The following LRP6 variants were observed in gnomAD, a reference collection of about 807,000 sequenced individuals.
The protein encoded by LRP6 is LDL receptor related protein 6.
In LRP6, 43 loss-of-function variants were observed where a neutral mutation model predicts 184.1. The ratio of observed to expected loss-of-function variants is 0.23; its 90% CI spans 0.18 to 0.30. The LOEUF (loss-of-function observed/expected upper bound fraction) is 0.30. Among genes scored for constraint, LRP6 ranks in the 10% least tolerant of loss-of-function variants. The pLI, the probability that LRP6 is intolerant of heterozygous loss-of-function variation, is 1.00. For synonymous variants in LRP6, 719 were observed against 684.9 expected (o/e 1.05, Z -0.78); for missense variants, 1,571 against 2,005.3 (o/e 0.78, Z 4.14).
At chr12:12,191,870 AT>A (rs1486942535) in intron 3 of LRP6, among the ~76,000 whole-genome samples, 3 of 152,116 alleles carry the variant, frequency 2.0e-5, no homozygotes, top group South Asian at 2.1e-4. Context: ...ATAGAAAAAA[AT>A]ATTTTCAAAA....
chr12:12,222,566 C>CAA (rs1219035988), intron 2 of LRP6, among the ~76,000 whole-genome samples: 4 of 134,958 alleles, frequency 3.0e-5, no homozygotes, highest in African/African-American at 1.1e-4. Flanking sequence ...GACTCCGTCT[C>CAA]AAAAAAAAAA....
At chr12:12,207,522 A>G (rs1281244221) in intron 2 of LRP6, among the ~76,000 whole-genome samples, 28 of 152,080 alleles carry the variant, frequency 1.8e-4, no homozygotes, top group Non-Finnish European at 1.0e-4. Flanking sequence ...CGTCAAAAAA[A>G]TAATAATAAT....
intron 13 of LRP6, among the ~76,000 whole-genome samples, chr12:12,150,396 C>T (rs895207713): frequency 1.5e-4 from 23 of 151,960 alleles, no homozygotes; most frequent in Admixed American, 1.4e-3. Context: ...GTAATGTAAC[C>T]GTTATTTATT....
chr12:12,136,910 T>C (rs548569746), intron 16 of LRP6, among the ~76,000 whole-genome samples: 1 of 152,320 alleles, frequency 6.6e-6, no homozygotes, highest in South Asian at 2.1e-4. Flanking sequence ...CCCTTGAAAT[T>C]CTGAAAATCT....
chr12:12,256,129 C>T (rs889504144), intron 1 of LRP6, among the ~76,000 whole-genome samples: 4 of 152,108 alleles, frequency 2.6e-5, no homozygotes, highest in East Asian at 1.9e-4. Context: ...ATTTCTAATA[C>T]CTCTTCTATT....
intron 15 of LRP6, among the ~76,000 whole-genome samples, chr12:12,143,181 A>C (rs1480055836): frequency 6.6e-6 from 1 of 152,192 alleles, no homozygotes; most frequent in Non-Finnish European, 1.5e-5. Context: ...GTTTAAAAGC[A>C]CCAAATAAGA....
intron 1 of LRP6, among the ~76,000 whole-genome samples, chr12:12,253,231 T>C (rs1285904841): frequency 6.6e-6 from 1 of 152,016 alleles, no homozygotes; most frequent in East Asian, 1.9e-4. Context: ...GCCACTGAAC[T>C]CCAGCCTGGG....
At chr12:12,125,698 T>C (rs74061112) in intron 20 of LRP6, among the ~76,000 whole-genome samples, 43 of 152,318 alleles carry the variant, frequency 2.8e-4, no homozygotes, top group African/African-American at 9.9e-4. Context: ...GAAGCAGAGC[T>C]ATTTAAAATA....
chr12:12,136,310 C>T (rs1038015454), intron 16 of LRP6, among the ~76,000 whole-genome samples: 8 of 152,194 alleles, frequency 5.3e-5, no homozygotes, highest in African/African-American at 1.4e-4. Context: ...ATCTGAAAGA[C>T]AACTTCAGTC....
At chr12:12,141,615 T>C (rs1949935236) in intron 15 of LRP6, among the ~76,000 whole-genome samples, 1 of 151,996 alleles carries the variant, frequency 6.6e-6, no homozygotes, top group African/African-American at 2.4e-5. Flanking sequence ...CCCAGGACAA[T>C]GGAGAAATGA....
chr12:12,145,058 T>G (rs957155984), intron 15 of LRP6, among the ~76,000 whole-genome samples: 5 of 148,554 alleles, frequency 3.4e-5, no homozygotes, highest in African/African-American at 1.2e-4. Context: ...AACTTATAAT[T>G]AAAAAAAAAA....
At chr12:12,134,181 T>C (rs1267800083) in intron 17 of LRP6, among the ~76,000 whole-genome samples, 1 of 152,224 alleles carries the variant, frequency 6.6e-6, no homozygotes, top group Non-Finnish European at 1.5e-5. Flanking sequence ...ATATGTTGAA[T>C]ACATATTCTC....
At chr12:12,255,295 T>G (rs1258267616) in intron 1 of LRP6, among the ~76,000 whole-genome samples, 2 of 150,662 alleles carry the variant, frequency 1.3e-5, no homozygotes, top group Non-Finnish European at 2.9e-5. Context: ...GACCATTAGC[T>G]GACTGCAGAA....
chr12:12,249,677 AAGG>A (rs1253533056), intron 1 of LRP6, among the ~76,000 whole-genome samples: 1 of 15,672 alleles, frequency 6.4e-5, no homozygotes, highest in African/African-American at 1.1e-4. Context: ...TAACAGAAGG[AAGG>A]AAGGAAGGAA....
intron 1 of LRP6, among the ~76,000 whole-genome samples, chr12:12,256,893 C>G (rs190357677): frequency 7.9e-5 from 12 of 152,278 alleles, no homozygotes; most frequent in Non-Finnish European, 1.2e-4. Flanking sequence ...AACCCACACT[C>G]ATTTGAAAGT....
intron 3 of LRP6, among the ~76,000 whole-genome samples, chr12:12,194,475 C>A (rs1318351459): frequency 6.6e-6 from 1 of 152,056 alleles, no homozygotes; most frequent in Non-Finnish European, 1.5e-5. Flanking sequence ...TTCTGATTTT[C>A]TATTAGTCAC....
At chr12:12,155,287 G>A (rs1950135854) in intron 12 of LRP6, 2 of 751,708 alleles carry the variant, frequency 2.7e-6, no homozygotes, top group Admixed American at 3.4e-5. Flanking sequence ...GGAAAGAGGA[G>A]AGGCACCCGA....
intron 3 of LRP6, among the ~76,000 whole-genome samples, chr12:12,200,726 T>C (rs917144944): frequency 6.6e-6 from 1 of 152,208 alleles, no homozygotes; most frequent in African/African-American, 2.4e-5. Flanking sequence ...TTTACTTGTT[T>C]GTCCTTTATG....
intron 7 of LRP6, among the ~76,000 whole-genome samples, chr12:12,167,838 AG>A (rs1416738045): frequency 2.6e-5 from 4 of 152,154 alleles, no homozygotes; most frequent in Admixed American, 2.0e-4. Flanking sequence ...TATTTAATGT[AG>A]TGCTTCAAAA....
Sources: allele counts gnomAD v4.1 joint callset (sites outside exome capture counted in the v4.1 genomes callset), GRCh38; gene constraint gnomAD v4.1.1; transcripts MANE v1.5; gene names NCBI Gene and HGNC (gene_info 2026-07-23, HGNC 2026-07-21).